AGTRAP: variants seen among roughly 807,000 people sequenced by gnomAD.
AGTRAP encodes the protein angiotensin II receptor associated protein.
In AGTRAP, 7 loss-of-function variants were observed where a neutral mutation model predicts 15.2. The observed-to-expected ratio is 0.46, with a 90% CI of 0.26 to 0.87. The LOEUF (loss-of-function observed/expected upper bound fraction) is 0.87, where lower values mean the gene tolerates loss of function less well. Among genes scored for constraint, AGTRAP ranks in the 40% least tolerant of loss-of-function variants. AGTRAP has a pLI of 0.15. For missense variants in AGTRAP, 187 were observed against 213.4 expected, an observed-to-expected ratio of 0.88 and a Z score of 0.77; for synonymous variants, 74 against 89.6, an observed-to-expected ratio of 0.83 and a Z score of 0.98.
intron 4 of AGTRAP, 137 bp downstream of exon 4, chr1:11,748,747 C>G: frequency 9.8e-7 from 1 of 1,019,944 alleles, no homozygotes; most frequent in Non-Finnish European, 1.4e-6. Flanking sequence ...CATGGGCGCT[C>G]TGTACTAGGC....
At position 11,745,960 on chromosome 1, in the gene AGTRAP, C is replaced by T. The variant is rs774255996; in HGVS notation, c.62+123C>T. On this transcript the variant is annotated intron_variant, in intron 2 of 4. Coordinates refer to ENST00000314340, the MANE Select transcript of AGTRAP (RefSeq NM_020350.5). This position sits in a 1 kb window ranked among gnomAD's most constrained non-coding sequence, Gnocchi z 4.2. ...TTTGGGCCAGACAGCTCTGCCTCTC[C>T]GGGTCTTGATTTCCGTCTGTACAAT... 53 of 1,407,974 alleles carry T rather than the reference C, an allele frequency of 3.8e-5. 1 individual carries two copies. The highest frequency in any genetic ancestry group is 3.5e-4 in the Middle Eastern group (2 of 5,688). 87.2% of individuals were successfully genotyped at this position (1,407,974 alleles called of 1,614,324 possible).
At chr1:11,740,913 G>A (rs1642015064) in intron 1 of AGTRAP, among the ~76,000 whole-genome samples, 1 of 152,110 alleles carries the variant, frequency 6.6e-6, no homozygotes, top group South Asian at 2.1e-4. Flanking sequence ...TGGATGTTGG[G>A]ACCACTGTGG....
rs1362450731 is a variant in AGTRAP, at chr1:11,750,436, G to A, written c.*244G>A. ...CACTGGTTCCCAGGCTGGAACCAGGGTCTCTCTTTACCTCCTACCCCATGG... is the reference window on the plus strand; with the variant it reads ...CACTGGTTCCCAGGCTGGAACCAGGATCTCTCTTTACCTCCTACCCCATGG... On this transcript the variant is annotated 3_prime_UTR_variant, in exon 5 of 5. Coordinates refer to ENST00000314340, the MANE Select transcript of AGTRAP (RefSeq NM_020350.5). The A allele has an allele frequency of 6.6e-6, 4 of 606,764 alleles. No homozygotes were observed. The allele number at this position is 606,764 out of a possible 1,614,324, so 37.6% of individuals were successfully genotyped here.
chr1:11,736,744 T>TA (rs1485168222), intron 1 of AGTRAP, among the ~76,000 whole-genome samples: 1 of 152,256 alleles, frequency 6.6e-6, no homozygotes, highest in African/African-American at 2.4e-5. Flanking sequence ...CCAGCGCCCT[T>TA]ATTTCATAAT....
chr1:11,739,016 A>G lies in AGTRAP; in HGVS notation c.27+2781A>G, dbSNP rs148780255. ...TTCCTTCTCCAGGTTAGACTTCCTC[A>G]TTTCCATCTGCCCTCTACGGCTCTT... is the stretch of plus-strand genomic sequence containing the variant. On this transcript the variant is annotated intron_variant, in intron 1 of 4. Transcript: ENST00000314340. Among the ~76,000 whole-genome samples, 43 of 152,122 alleles carry G rather than the reference A, an allele frequency of 2.8e-4. No individual in the cohort carries two copies. In the East Asian group the frequency reaches 6.2e-3, roughly 22 times the overall value.
chr1:11,736,357 G>C (rs1391847059), intron 1 of AGTRAP, 122 bp downstream of exon 1: 2 of 1,352,460 alleles, frequency 1.5e-6, no homozygotes, highest in African/African-American at 2.9e-5. Flanking sequence ...AGGAAGGGAA[G>C]GTACAGACCC....
intron 4 of AGTRAP, among the ~76,000 whole-genome samples, chr1:11,749,093 G>A (rs978469368): frequency 8.5e-5 from 13 of 152,174 alleles, no homozygotes; most frequent in Non-Finnish European, 1.5e-4. Context: ...GGGAGCCTCA[G>A]TGAAGACAGC....
intron 1 of AGTRAP, among the ~76,000 whole-genome samples, chr1:11,736,619 A>G (rs1641904556): frequency 6.6e-6 from 1 of 152,216 alleles, no homozygotes; most frequent in Non-Finnish European, 1.5e-5. Context: ...GCGCGGGGTC[A>G]GGGACTGGGC....
rs551107589 is a variant in AGTRAP, at chr1:11,748,674, C to T, written c.364+64C>T. 5 of 1,550,022 alleles carry T rather than the reference C, an allele frequency of 3.2e-6. No individual in the cohort carries two copies. The African/African-American group carries it at 5.4e-5, about 17-fold the overall frequency. On this transcript the variant is annotated intron_variant, in intron 4 of 4. Coordinates refer to ENST00000314340, the MANE Select transcript of AGTRAP (RefSeq NM_020350.5). The stretch of plus-strand genomic sequence containing the variant: ...TTCTCTCCCTTGCCTGGCCTCCAGC[C>T]TCTCCCTCAGTGAGCCAGCCTTGCC...
rs1352913169 is a variant in AGTRAP, at chr1:11,745,507, C to T, written c.28-296C>T. Among the ~76,000 whole-genome samples, 1 of 152,150 alleles carries T rather than the reference C, an allele frequency of 6.6e-6. No individual in the cohort carries two copies. The highest frequency in any genetic ancestry group is 2.4e-5 in the African/African-American group (1 of 41,426). On this transcript the variant is annotated intron_variant, in intron 1 of 4. Transcript: ENST00000314340. This position sits in a 1 kb window ranked among gnomAD's most constrained non-coding sequence, Gnocchi z 4.2. Reference sequence around the variant, plus strand: ...AGCCTTATTTTACCCAGCTCCTATTCAAGATGGAATTGCTCTGGTTCATAC... The same window carrying T: ...AGCCTTATTTTACCCAGCTCCTATTTAAGATGGAATTGCTCTGGTTCATAC...
At chr1:11,743,278 C>T (rs1190682238) in intron 1 of AGTRAP, among the ~76,000 whole-genome samples, 1 of 151,692 alleles carries the variant, frequency 6.6e-6, no homozygotes, top group Non-Finnish European at 1.5e-5. Flanking sequence ...TGGAGTCTCA[C>T]TCTGTCACCC....
intron 1 of AGTRAP, 116 bp downstream of exon 1, chr1:11,736,351 A>T: frequency 7.0e-7 from 1 of 1,434,702 alleles, no homozygotes; most frequent in East Asian, 2.4e-5. Context: ...GTAGGGAGGA[A>T]GGGAAGGTAC....
Position 11,741,834 on chromosome 1 carries a change from G to A in AGTRAP, c.28-3969G>A, listed in dbSNP as rs568587348. On this transcript the variant is annotated intron_variant, in intron 1 of 4. Coordinates refer to ENST00000314340, the MANE Select transcript of AGTRAP (RefSeq NM_020350.5). Reference sequence around the variant, plus strand: ...AGACGAAGGTAGGTGAGGTGATGGCGAAGATTCCTTCTAGAGCTAGACTTC... The same window carrying A: ...AGACGAAGGTAGGTGAGGTGATGGCAAAGATTCCTTCTAGAGCTAGACTTC... 2.0e-5 allele frequency among the ~76,000 whole-genome samples: 3 copies of A among 152,366 alleles called. No individual in the cohort carries two copies. In the South Asian group the frequency reaches 6.2e-4, roughly 32 times the overall value.
chr1:11,740,315 A>T (rs1024979478), intron 1 of AGTRAP, among the ~76,000 whole-genome samples: 10 of 152,182 alleles, frequency 6.6e-5, no homozygotes, highest in African/African-American at 2.2e-4. Flanking sequence ...CTTCCTGCAC[A>T]TTAAGGCCTC....
rs755871964 is a variant in AGTRAP, at chr1:11,745,883, G to C, written c.62+46G>C. 6.2e-7 allele frequency: 1 copy of C among 1,611,534 alleles called. No individual in the cohort carries two copies. The highest frequency in any genetic ancestry group is 8.5e-7 in the Non-Finnish European group (1 of 1,177,828). On this transcript the variant is annotated intron_variant, in intron 2 of 4. Coordinates refer to ENST00000314340, the MANE Select transcript of AGTRAP (RefSeq NM_020350.5). This position sits in a 1 kb window ranked among gnomAD's most constrained non-coding sequence, Gnocchi z 4.2. ...CTTGTGTGTCTCCTGCGGTCTCAGG[G>C]TCTGTGTCAGCCGGGTCAGGTCCTG... is the stretch of plus-strand genomic sequence containing the variant.
intron 1 of AGTRAP, among the ~76,000 whole-genome samples, chr1:11,743,130 G>A (rs1229022723): frequency 6.6e-6 from 1 of 152,194 alleles, no homozygotes; most frequent in African/African-American, 2.4e-5. Context: ...CAGGGCCTGG[G>A]GCTTGGCCCC....
chr1:11,746,280 A>G (rs1642162322), intron 2 of AGTRAP: 2 of 1,426,356 alleles, frequency 1.4e-6, no homozygotes, highest in Non-Finnish European at 9.6e-7. Context: ...CAGGGCCAAA[A>G]TACAGATTTC....
At chr1:11,743,785 C>T (rs942148767) in intron 1 of AGTRAP, among the ~76,000 whole-genome samples, 5 of 151,856 alleles carry the variant, frequency 3.3e-5, no homozygotes, top group African/African-American at 9.7e-5. Context: ...AGGCTGATCT[C>T]GAACTCCCGA....
rs1641890074 is a variant in AGTRAP, at chr1:11,736,173, G to A, written c.-36G>A. On this transcript the variant is annotated 5_prime_UTR_variant, in exon 1 of 5. Transcript: ENST00000314340. ...CGAGTTCGGAGCCTAGGAGCCCCCC[G>A]CGGCTGCGGCGCAGGTGCCCTCGGC... 2.5e-6 allele frequency: 4 copies of A among 1,591,120 alleles called. No individual in the cohort carries two copies. Among genetic ancestry groups the A allele is most frequent in the Non-Finnish European group, 3.4e-6 (4 of 1,170,064 alleles).
Sources: allele counts gnomAD v4.1 joint callset (sites outside exome capture counted in the v4.1 genomes callset), GRCh38; gene constraint gnomAD v4.1.1; non-coding constraint Gnocchi (gnomAD v3.1); transcripts MANE v1.5; gene names NCBI Gene and HGNC (gene_info 2026-07-23, HGNC 2026-07-21).